The following TENM3 variants were observed in gnomAD, a reference collection of about 807,000 sequenced individuals.
TENM3 encodes teneurin-3.
TENM3 carries 63 observed loss-of-function variants against 255.1 expected under a neutral mutation model. The ratio of observed to expected loss-of-function variants is 0.25; its 90% CI spans 0.20 to 0.30. The LOEUF (loss-of-function observed/expected upper bound fraction) is 0.30. Among genes scored for constraint, TENM3 ranks in the 10% least tolerant of loss-of-function variants. The pLI is 1.00. For missense variants in TENM3, 2,929 were observed against 3,461.1 expected, an observed-to-expected ratio of 0.85 and a Z score of 3.86; for synonymous variants, 1,306 against 1,322.3, an observed-to-expected ratio of 0.99 and a Z score of 0.27.
the TENM3 span, among the ~76,000 whole-genome samples, chr4:181,708,442 G>T: frequency 1.3e-5 from 2 of 152,112 alleles, no homozygotes; most frequent in Non-Finnish European, 2.9e-5. Flanking sequence ...AGAAAACCTA[G>T]TTGAATAAAT....
At chr4:182,355,529 A>G (rs1452025964) in intron 3 of TENM3, among the ~76,000 whole-genome samples, 1 of 152,164 alleles carries the variant, frequency 6.6e-6, no homozygotes, top group African/African-American at 2.4e-5. Flanking sequence ...TGCTCACCTC[A>G]CCTAATACCT....
rs1343064517 is a variant in TENM3 at position 182,628,886 on chromosome 4, A to T, written c.985A>T (p.Ile329Leu). The change falls in exon 5 of 28, where the codon ATA becomes TTA. Residue 329 changes from isoleucine to leucine, a missense_variant. By Grantham distance (5) the Ile-to-Leu change is conservative. This residue lies in a region of TENM3 where 1,608 missense variants were observed against 1,884.4 expected (regional missense o/e 0.85). Transcript: ENST00000511685. The part of the protein sequence containing the change: ...VLLAILLSYF[I>L]AMHLFGLNWQ... ...CCTGGCAATACTCCTGTCTTATTTT[A>T]TAGGTAAGAACAAGTTCTTAGAATT... The T allele has an allele frequency of 2.6e-6, 4 of 1,565,598 alleles. No individual in the cohort carries two copies. Among genetic ancestry groups the T allele is most frequent in the Non-Finnish European group, 1.7e-6 (2 of 1,145,330 alleles).
intron 3 of TENM3, among the ~76,000 whole-genome samples, chr4:182,552,943 A>G (rs539019013): frequency 6.6e-6 from 1 of 152,308 alleles, no homozygotes; most frequent in South Asian, 2.1e-4. Context: ...TCTTTCAGAA[A>G]ATTATAGAGC....
At chr4:182,151,066 A>C (rs1750304709) in intron 1 of TENM3, among the ~76,000 whole-genome samples, 1 of 152,060 alleles carries the variant, frequency 6.6e-6, no homozygotes, top group Non-Finnish European at 1.5e-5. Context: ...GTCTTTTTTG[A>C]CAATAGGGGC....
At chr4:181,654,963 G>T in the TENM3 span, among the ~76,000 whole-genome samples, 1 of 152,136 alleles carries the variant, frequency 6.6e-6, no homozygotes, top group Admixed American at 6.5e-5. Flanking sequence ...AGTGAGACCA[G>T]GTTTAGAGAT....
the TENM3 span, among the ~76,000 whole-genome samples, chr4:181,801,895 T>C: frequency 1.3e-5 from 2 of 152,020 alleles, no homozygotes; most frequent in African/African-American, 4.8e-5. Context: ...CCATTCTTTT[T>C]TGAACTTTGT....
chr4:182,386,924 TGAG>T (rs1767982983), intron 3 of TENM3, among the ~76,000 whole-genome samples: 2 of 152,188 alleles, frequency 1.3e-5, no homozygotes, highest in Admixed American at 6.5e-5. Flanking sequence ...GCCCAAGGGC[TGAG>T]GAGTGCGAGC....
chr4:181,564,761 ATATTTTTGTATCC>A, the TENM3 span, among the ~76,000 whole-genome samples: 2 of 152,152 alleles, frequency 1.3e-5, no homozygotes, highest in African/African-American at 4.8e-5. Flanking sequence ...AATTTGCAAA[ATATTTTTGTATCC>A]TTAACGAAGT....
chr4:182,145,453 C>T (rs1379697025), intron 1 of TENM3, among the ~76,000 whole-genome samples: 1 of 152,192 alleles, frequency 6.6e-6, no homozygotes, highest in Non-Finnish European at 1.5e-5. Flanking sequence ...TCGTGTTTTA[C>T]AACCGATTAC....
At position 182,792,593 on chromosome 4, in the gene TENM3, C is replaced by G. The variant is rs769119505; in HGVS notation, c.5921C>G (p.Ala1974Gly). The change falls in exon 26 of 28, where the codon GCA becomes GGA. Residue 1974 changes from alanine to glycine, a missense_variant. Around this residue, in one of 6 missense-constraint regions of TENM3, gnomAD observed 303 missense variants for 425.2 expected, o/e 0.71. Coordinates refer to ENST00000511685, the MANE Select transcript of TENM3 (RefSeq NM_001080477.4). The surrounding 1 kb of genome is among the most constrained non-coding windows in gnomAD (Gnocchi z 6.3). ...GTCAGTTTTACCTATGATGAAACAG[C>G]AGGAGTCCTAAAGACAGTAAACCTC... ...TRVSFTYDET[A>G]GVLKTVNLQS... The G allele has an allele frequency of 6.2e-7, 1 of 1,613,934 alleles. No individual in the cohort carries two copies. Among genetic ancestry groups the G allele is most frequent in the Non-Finnish European group, 8.5e-7 (1 of 1,179,844 alleles).
At chr4:181,529,577 C>T in the TENM3 span, among the ~76,000 whole-genome samples, 4 of 152,128 alleles carry the variant, frequency 2.6e-5, no homozygotes, top group African/African-American at 9.7e-5. Context: ...TGTTATTCAC[C>T]CCATTATAAT....
the TENM3 span, chr4:181,821,698 G>A: frequency 2.6e-5 from 4 of 152,174 alleles, no homozygotes; most frequent in Non-Finnish European, 5.9e-5. Context: ...TCACTTTAAT[G>A]AAATGCATCT....
At chr4:181,985,179 A>G in the TENM3 span, among the ~76,000 whole-genome samples, 2 of 152,006 alleles carry the variant, frequency 1.3e-5, no homozygotes, top group Non-Finnish European at 2.9e-5. Context: ...AAGAATGTAT[A>G]TAATTGCATC....
chr4:182,283,009 G>T (rs533827866), intron 1 of TENM3, among the ~76,000 whole-genome samples: 37 of 151,288 alleles, frequency 2.4e-4, no homozygotes, highest in African/African-American at 7.5e-4. Context: ...AATTACTTCC[G>T]CTTTAACAGT....
At chr4:182,631,759 C>T (rs866720052) in intron 5 of TENM3, 2 of 151,978 alleles carry the variant, frequency 1.3e-5, no homozygotes, top group South Asian at 2.1e-4. Flanking sequence ...TTATATTGAC[C>T]GTTAATATAC....
At chr4:182,558,588 G>T (rs1330001610) in intron 3 of TENM3, among the ~76,000 whole-genome samples, 1 of 152,128 alleles carries the variant, frequency 6.6e-6, no homozygotes, top group Non-Finnish European at 1.5e-5. Context: ...GCATAAAAAG[G>T]CCTCTGTAGT....
At chr4:182,337,331 C>T (rs896315131) in intron 2 of TENM3, among the ~76,000 whole-genome samples, 28 of 152,184 alleles carry the variant, frequency 1.8e-4, no homozygotes, top group African/African-American at 6.5e-4. Flanking sequence ...ATATAAAGAG[C>T]TTCTACAAAT....
chr4:181,496,304 A>T, the TENM3 span, among the ~76,000 whole-genome samples: 1 of 143,014 alleles, frequency 7.0e-6, no homozygotes, highest in Non-Finnish European at 1.5e-5. Context: ...TTCAACACTT[A>T]TCTTCCCTTT....
chr4:181,750,229 G>A, the TENM3 span, among the ~76,000 whole-genome samples: 5 of 152,138 alleles, frequency 3.3e-5, no homozygotes, highest in African/African-American at 1.2e-4. Context: ...TGGTTGGGGG[G>A]TAGAAGAACC....
Sources: allele counts gnomAD v4.1 joint callset (sites outside exome capture counted in the v4.1 genomes callset), GRCh38; gene constraint gnomAD v4.1.1; regional missense constraint gnomAD v4.1.1; non-coding constraint Gnocchi (gnomAD v3.1); transcripts MANE v1.5; gene names NCBI Gene and HGNC (gene_info 2026-07-23, HGNC 2026-07-21).